The following ASB8 variants were observed in gnomAD, a reference collection of about 807,000 sequenced individuals.
ASB8 encodes ankyrin repeat and SOCS box protein 8.
In ASB8, 15 loss-of-function variants were observed where a neutral mutation model predicts 22.9. The observed-to-expected ratio is 0.66, with a 90% CI of 0.44 to 1.01. ASB8 has a LOEUF of 1.01. ASB8 is among the 50% of genes least tolerant of loss of function. ASB8 has a pLI of 0.00. For synonymous variants in ASB8, 124 were observed against 140.8 expected (o/e 0.88, Z 0.84); for missense variants, 294 against 356.9 (o/e 0.82, Z 1.42).
In ASB8 at chr12:48,152,572, G is replaced by A. The variant is rs147308096; in HGVS notation, c.129+796C>T. ...TGTTTTCTTAAACTATAATTACCAT[G>A]CATTTTAGAGGTTGATATCCTCTAC... On this transcript the variant is annotated intron_variant, in intron 2 of 3. Transcript: ENST00000317697. Among the ~76,000 whole-genome samples, 87 of 152,292 alleles carry A rather than the reference G, an allele frequency of 5.7e-4. 1 individual carries two copies. In the East Asian group the frequency reaches 0.015, roughly 27 times the overall value.
intron 1 of ASB8, among the ~76,000 whole-genome samples, chr12:48,155,780 A>ATTT (rs537950041): frequency 1.9e-4 from 22 of 117,992 alleles, no homozygotes; most frequent in African/African-American, 6.9e-4. Context: ...CTTTTGCTTT[A>ATTT]TTTTTTTTTT....
intron 2 of ASB8, 174 bp downstream of exon 2, chr12:48,153,194 G>T: frequency 1.4e-6 from 1 of 700,360 alleles, no homozygotes; most frequent in Non-Finnish European, 2.4e-6. Flanking sequence ...AAAGGGAGAA[G>T]GGAAGCGAAG....
At position 48,149,222 on chromosome 12, in the gene ASB8, G is replaced by A; in HGVS notation, c.*144C>T. The A allele has an allele frequency of 1.2e-6, 1 of 862,734 alleles. No homozygotes were observed. Among genetic ancestry groups the A allele is most frequent in the Non-Finnish European group, 1.7e-6 (1 of 576,744 alleles). The allele number at this position is 862,734 out of a possible 1,614,324, so 53.4% of individuals were successfully genotyped here. A position where few individuals can be genotyped will look rare whatever the true frequency, so the allele number is the denominator to read the frequency against. On this transcript the variant is annotated 3_prime_UTR_variant, in exon 4 of 4. Transcript: ENST00000317697. ...TTGGTTTGGGAAGGGGAGGTGCTAT[G>A]GAGGTTATTGTTGTGACATGTTGCT...
At position 48,149,438 on chromosome 12, in the gene ASB8, C is replaced by T. The variant is rs1319549879; in HGVS notation, c.795G>A (p.Gln265=). The T allele has an allele frequency of 6.8e-6, 11 of 1,613,970 alleles. No individual in the cohort carries two copies. The Admixed American group carries it at 1.5e-4, about 22-fold the overall frequency. Residue 265 remains glutamine (Q), a synonymous_variant, in exon 4 of 4, where the codon CAG becomes CAA. Coordinates refer to ENST00000317697, the MANE Select transcript of ASB8 (RefSeq NM_024095.5). ...RYAVRRSLGL[Q]YLPDAVKGLP... is the part of the protein sequence containing the mutation. ...GGCCCTTCACTGCATCGGGGAGATA[C>T]TGGAGTCCCAGGCTACGGCGCACGG... is the stretch of plus-strand genomic sequence containing the variant.
At chr12:48,154,167 T>C (rs1206136302) in intron 1 of ASB8, among the ~76,000 whole-genome samples, 1 of 152,136 alleles carries the variant, frequency 6.6e-6, no homozygotes, top group Non-Finnish European at 1.5e-5. Context: ...CATTTTCAAA[T>C]GTGTTCAGAA....
At chr12:48,151,125 G>T in intron 3 of ASB8, 76 bp downstream of exon 3, 1 of 1,170,398 alleles carries the variant, frequency 8.5e-7, no homozygotes, top group Non-Finnish European at 1.3e-6. Flanking sequence ...ATGGAGGAGT[G>T]ATGGGGAGAA....
At position 48,151,241 on chromosome 12, in the gene ASB8, T is replaced by C; in HGVS notation, c.194A>G (p.Asp65Gly). The C allele has an allele frequency of 6.2e-7, 1 of 1,614,174 alleles. No individual in the cohort carries two copies. Among genetic ancestry groups the C allele is most frequent in the South Asian group, 1.1e-5 (1 of 91,092 alleles). Reference sequence around the variant, plus strand: ...CAGAAGTAACTCCACACAGTCAGCATCTGACACCATACAGGCACAGTGCAA... The same window carrying C: ...CAGAAGTAACTCCACACAGTCAGCACCTGACACCATACAGGCACAGTGCAA... ...KPLHCACMVS[D>G]ADCVELLLEK... The change falls in exon 3 of 4, where the codon GAT (aspartate) becomes GGT (glycine). Residue 65 changes from aspartate to glycine, a missense_variant. Physicochemically the swap from Asp to Gly is moderately conservative, Grantham distance 94. Transcript: ENST00000317697.
rs369323738 is a variant in ASB8, at chr12:48,153,604, C to T, written c.-33-75G>A. On this transcript the variant is annotated intron_variant, in intron 1 of 3. Coordinates refer to ENST00000317697, the MANE Select transcript of ASB8 (RefSeq NM_024095.5). ...CTTTAGGGTTAGGTCTTCTCTGAGGCCTTCCCAATGCTAAAAGCAGATTTC... is the reference window on the plus strand; with the variant it reads ...CTTTAGGGTTAGGTCTTCTCTGAGGTCTTCCCAATGCTAAAAGCAGATTTC... 86 of 1,176,150 alleles carry T rather than the reference C, an allele frequency of 7.3e-5. 5 individuals are homozygous for T. The highest frequency in any genetic ancestry group is 2.0e-4 in the Admixed American group (9 of 45,062). The allele number at this position is 1,176,150 out of a possible 1,614,324, so 72.9% of individuals were successfully genotyped here. A position where few individuals can be genotyped will look rare whatever the true frequency, so the allele number is the denominator to read the frequency against.
chr12:48,154,480 CAA>C (rs11384481), intron 1 of ASB8, among the ~76,000 whole-genome samples: 1,855 of 73,666 alleles, frequency 0.025, 19 homozygotes, highest in African/African-American at 0.069. Flanking sequence ...GACTCTATCT[CAA>C]AAAAAAAAAA....
At chr12:48,150,863 A>G (rs1951188966) in intron 3 of ASB8, 2 of 439,058 alleles carry the variant, frequency 4.6e-6, no homozygotes, top group Non-Finnish European at 8.1e-6. Flanking sequence ...AAGCAATGAG[A>G]AGATTAAACG....
chr12:48,151,682 G>T, intron 2 of ASB8: 3 of 1,295,628 alleles, frequency 2.3e-6, no homozygotes, highest in Non-Finnish European at 3.1e-6. Context: ...AAGTAGGAAA[G>T]TGAGTCTGTC....
At chr12:48,151,126 A>G in intron 3 of ASB8, 75 bp downstream of exon 3, 1 of 1,180,858 alleles carries the variant, frequency 8.5e-7, no homozygotes, top group Non-Finnish European at 1.3e-6. Flanking sequence ...TGGAGGAGTG[A>G]TGGGGAGAAA....
intron 1 of ASB8, among the ~76,000 whole-genome samples, chr12:48,156,448 G>A (rs1951306510): frequency 6.6e-6 from 1 of 151,968 alleles, no homozygotes; most frequent in Non-Finnish European, 1.5e-5. Context: ...AATGGCAGCA[G>A]AAGACAGAGC....
At chr12:48,154,544 A>G (rs557178676) in intron 1 of ASB8, among the ~76,000 whole-genome samples, 1 of 152,166 alleles carries the variant, frequency 6.6e-6, no homozygotes, top group East Asian at 1.9e-4. Flanking sequence ...AGGAAAGCAA[A>G]AGTATAACTA....
rs1327880725 is a variant in ASB8, at chr12:48,151,248, C to T, written c.187G>A (p.Val63Met). 5.9e-5 allele frequency: 95 copies of T among 1,614,086 alleles called. No homozygotes were observed. The highest frequency in any genetic ancestry group is 8.1e-5 in the Non-Finnish European group (95 of 1,180,032). The change falls in exon 3 of 4, where the codon GTG (valine) becomes ATG (methionine). Residue 63 changes from valine to methionine, a missense_variant. Transcript: ENST00000317697. ...TLKPLHCACM[V>M]SDADCVELLL... is the part of the protein sequence containing the mutation. Reference sequence around the variant, plus strand: ...AACTCCACACAGTCAGCATCTGACACCATACAGGCACAGTGCAAGGGCTTC... The same window carrying T: ...AACTCCACACAGTCAGCATCTGACATCATACAGGCACAGTGCAAGGGCTTC...
Position 48,153,449 on chromosome 12 carries a change from G to A in ASB8, c.48C>T (p.Tyr16=). 6.2e-7 allele frequency: 1 copy of A among 1,613,602 alleles called. No individual in the cohort carries two copies. Among genetic ancestry groups the A allele is most frequent in the Non-Finnish European group, 8.5e-7 (1 of 1,179,510 alleles). Residue 16 remains tyrosine, a synonymous_variant, in exon 2 of 4, where the codon TAC becomes TAT. Transcript: ENST00000317697. ...TTCGGATTAAGCGCTCGGAGAGAGA[G>A]TATTTGCTCTGAATGCTCTGCATAA... ...WYIMQSIQSK[Y]SLSERLIRTI...
At chr12:48,151,692 C>A in intron 2 of ASB8, 1 of 1,229,224 alleles carries the variant, frequency 8.1e-7, no homozygotes, top group Non-Finnish European at 1.1e-6. Context: ...GTGAGTCTGT[C>A]AGACTGAGGC....
intron 1 of ASB8, among the ~76,000 whole-genome samples, chr12:48,154,494 A>G (rs571416900): frequency 3.3e-5 from 5 of 151,780 alleles, no homozygotes; most frequent in Admixed American, 3.3e-4. Flanking sequence ...AAAAAAAAAA[A>G]AAAAAAGGAA....
chr12:48,150,561 GA>G (rs1951183379), intron 3 of ASB8, among the ~76,000 whole-genome samples: 1 of 152,206 alleles, frequency 6.6e-6, no homozygotes, highest in Non-Finnish European at 1.5e-5. Flanking sequence ...GAACCCAAAT[GA>G]AAGCATGTGA....
Sources: allele counts gnomAD v4.1 joint callset (sites outside exome capture counted in the v4.1 genomes callset), GRCh38; gene constraint gnomAD v4.1.1; transcripts MANE v1.5; gene names NCBI Gene and HGNC (gene_info 2026-07-23, HGNC 2026-07-21).